The following CLVS1 variants were observed in gnomAD, a reference collection of about 807,000 sequenced individuals.
CLVS1 encodes the protein clavesin-1.
In CLVS1, 10 loss-of-function variants were observed where a neutral mutation model predicts 33.1. The ratio of observed to expected loss-of-function variants is 0.30; its 90% confidence interval spans 0.19 to 0.51. CLVS1 has a LOEUF of 0.51. Among genes scored for constraint, CLVS1 ranks in the 20% least tolerant of loss-of-function variants. The probability of loss-of-function intolerance (pLI) is 0.97; values close to 1 mark genes in which losing one functional copy is unlikely to be tolerated. For synonymous variants in CLVS1, 163 were observed against 166.1 expected (o/e 0.98, Z 0.14); for missense variants, 343 against 433.4 (o/e 0.79, Z 1.85).
intron 2 of CLVS1, among the ~76,000 whole-genome samples, chr8:61,349,425 A>AGAG (rs1812357529): frequency 6.6e-6 from 1 of 152,048 alleles, no homozygotes; most frequent in African/African-American, 2.4e-5. Context: ...GATATGGGTG[A>AGAG]GAGGAGGAGG....
chr8:61,133,997 GA>G lies in CLVS1; in HGVS notation c.-152+2140del, dbSNP rs746171873. Reference sequence around the variant, plus strand: ...GGGTATGAGAGGTTGGGAGGAAAAAGAAAGAGAGAATGAGCTCAATGGAGTT... The same window carrying G: ...GGGTATGAGAGGTTGGGAGGAAAAAGAAGAGAGAATGAGCTCAATGGAGTT... On this transcript the variant is annotated intron_variant, in intron 2 of 2. Coordinates refer to the CLVS1 transcript ENST00000522621. Among the ~76,000 whole-genome samples, 19 of 152,256 alleles carry G rather than the reference GA, an allele frequency of 1.2e-4. No homozygotes were observed. In the Middle Eastern group the frequency reaches 0.01, roughly 82 times the overall value.
chr8:61,191,952 CA>C (rs1225023171), intron 2 of CLVS1, among the ~76,000 whole-genome samples: 21 of 152,240 alleles, frequency 1.4e-4, no homozygotes, highest in Admixed American at 1.0e-3. Flanking sequence ...CCATACTGCC[CA>C]ATGTAATTTA....
the CLVS1 span, among the ~76,000 whole-genome samples, chr8:61,005,527 G>C: frequency 1.2e-4 from 18 of 152,208 alleles, 1 homozygote; most frequent in Admixed American, 1.2e-3. Flanking sequence ...ATGGACGCCT[G>C]CCTCCAACTC....
At chr8:61,353,604 A>G (rs182540363) in intron 2 of CLVS1, among the ~76,000 whole-genome samples, 1 of 152,026 alleles carries the variant, frequency 6.6e-6, no homozygotes, top group East Asian at 1.9e-4. Context: ...ACAGAGCTGA[A>G]TGGGAAACAA....
chr8:61,209,975 C>G, intron 2 of CLVS1, among the ~76,000 whole-genome samples: 1 of 152,172 alleles, frequency 6.6e-6, no homozygotes, highest in Non-Finnish European at 1.5e-5. Flanking sequence ...ACAGTAAATT[C>G]TCTAATAAAT....
chr8:61,078,111 C>G (rs1218153179), intron 1 of CLVS1, among the ~76,000 whole-genome samples: 1 of 152,172 alleles, frequency 6.6e-6, no homozygotes, highest in Admixed American at 6.5e-5. Context: ...GGATCCGAGG[C>G]AGGCCTGTCT....
chr8:61,063,400 A>G (rs1804621562), intron 1 of CLVS1, among the ~76,000 whole-genome samples: 1 of 151,892 alleles, frequency 6.6e-6, no homozygotes, highest in African/African-American at 2.4e-5. Flanking sequence ...ATGAGAAGGT[A>G]TTTTCCAGCT....
rs180692814 is a variant in CLVS1 at position 61,400,909 on chromosome 8, T to C, written c.630+24130T>C. ...ACTTGATTGTGGTAGATAAGCTTTTTGATGGGCTGTGGGATTCAGTTTGCC... is the reference window on the plus strand; with the variant it reads ...ACTTGATTGTGGTAGATAAGCTTTTCGATGGGCTGTGGGATTCAGTTTGCC... On this transcript the variant is annotated intron_variant, in intron 3 of 5. Transcript: ENST00000325897. 1.8e-4 allele frequency among the ~76,000 whole-genome samples: 28 copies of C among 152,286 alleles called. No homozygotes were observed. The East Asian group carries it at 5.4e-3, about 29-fold the overall frequency.
At chr8:61,416,349 CATACATAT>C (rs1397110802) in intron 3 of CLVS1, among the ~76,000 whole-genome samples, 40 of 150,744 alleles carry the variant, frequency 2.7e-4, no homozygotes, top group African/African-American at 9.4e-4. Context: ...TACATACATA[CATACATAT>C]TCCCATGCCT....
chr8:60,971,177 G>A, the CLVS1 span, among the ~76,000 whole-genome samples: 8 of 149,776 alleles, frequency 5.3e-5, no homozygotes, highest in Non-Finnish European at 1.2e-4. Context: ...CCTTAGCTCA[G>A]GTGATCCTCC....
intron 2 of CLVS1, among the ~76,000 whole-genome samples, chr8:61,351,052 T>A (rs1812436015): frequency 2.0e-5 from 3 of 152,152 alleles, no homozygotes; most frequent in Non-Finnish European, 4.4e-5. Context: ...GGGTATCCTC[T>A]GAATCTGGTC....
rs143139442 is a variant in CLVS1 at position 61,450,031 on chromosome 8, A to T, written c.631-4110A>T. 2.0e-5 allele frequency among the ~76,000 whole-genome samples: 3 copies of T among 152,348 alleles called. No homozygotes were observed. In the East Asian group the frequency reaches 5.8e-4, roughly 29 times the overall value. On this transcript the variant is annotated intron_variant, in intron 3 of 5. Coordinates refer to ENST00000325897, the MANE Select transcript of CLVS1 (RefSeq NM_173519.3). ...ATGCAGAACTCCATTGTTGCAGCAGAAGAGTGGCTGTGAGACCCCTCAAGA... is the reference window on the plus strand; with the variant it reads ...ATGCAGAACTCCATTGTTGCAGCAGTAGAGTGGCTGTGAGACCCCTCAAGA...
the CLVS1 span, among the ~76,000 whole-genome samples, chr8:61,007,675 G>C: frequency 1.3e-5 from 2 of 152,148 alleles, no homozygotes. Flanking sequence ...CGCTACTCCC[G>C]CATTGCTGAT....
chr8:61,215,597 C>G (rs930932773), intron 2 of CLVS1, among the ~76,000 whole-genome samples: 1 of 151,800 alleles, frequency 6.6e-6, no homozygotes, highest in Non-Finnish European at 1.5e-5. Context: ...TAAACAGGAT[C>G]CTACTAGCTA....
intron 3 of CLVS1, among the ~76,000 whole-genome samples, chr8:61,444,945 G>C (rs984902048): frequency 6.6e-6 from 1 of 152,144 alleles, no homozygotes; most frequent in Admixed American, 6.6e-5. Context: ...TGCTAGATTG[G>C]TCAGTTTGCA....
chr8:61,429,738 A>C (rs1266099626), intron 3 of CLVS1, among the ~76,000 whole-genome samples: 1 of 152,230 alleles, frequency 6.6e-6, no homozygotes. Context: ...AGAATAGCTT[A>C]ATTGTATAAT....
intron 1 of CLVS1, among the ~76,000 whole-genome samples, chr8:61,064,636 G>A (rs1241585000): frequency 6.6e-6 from 1 of 151,372 alleles, no homozygotes; most frequent in African/African-American, 2.4e-5. Flanking sequence ...TGCCCTGTGG[G>A]TTCAAACGAT....
At chr8:61,330,523 T>C (rs1811554451) in intron 2 of CLVS1, among the ~76,000 whole-genome samples, 1 of 152,212 alleles carries the variant, frequency 6.6e-6, no homozygotes, top group Non-Finnish European at 1.5e-5. Context: ...GTGTGTGCAC[T>C]AAAGATTAAT....
intron 2 of CLVS1, among the ~76,000 whole-genome samples, chr8:61,205,896 A>C (rs941604294): frequency 1.3e-5 from 2 of 152,158 alleles, no homozygotes; most frequent in East Asian, 3.8e-4. Flanking sequence ...TAAATTGTTT[A>C]TATTTTTAGA....
Sources: gnomAD v4.1 joint callset for allele counts (sites outside exome capture counted in the v4.1 genomes callset) on GRCh38, gnomAD v4.1.1 for gene constraint, MANE v1.5 for transcripts, NCBI Gene and HGNC (gene_info 2026-07-23, HGNC 2026-07-21) for gene names.